The following MYO18B variants were observed in gnomAD, a reference collection of about 807,000 sequenced individuals.
MYO18B encodes the protein unconventional myosin-XVIIIb.
In MYO18B, 204 loss-of-function variants were observed where a neutral mutation model predicts 273.0. The ratio of observed to expected loss-of-function variants is 0.75; its 90% CI spans 0.67 to 0.84. The LOEUF (loss-of-function observed/expected upper bound fraction) is 0.84. Ranked by LOEUF, MYO18B falls within the 40% of genes least tolerant of loss-of-function variation. The probability of loss-of-function intolerance (pLI) is 0.00; values close to 1 mark genes in which losing one functional copy is unlikely to be tolerated. For missense variants in MYO18B, 3,212 were observed against 3,287.6 expected, an observed-to-expected ratio of 0.98 and a Z score of 0.56; for synonymous variants, 1,330 against 1,305.7, an observed-to-expected ratio of 1.02 and a Z score of -0.40.
intron 1 of MYO18B, among the ~76,000 whole-genome samples, chr22:25,759,750 A>C (rs2086242769): frequency 6.6e-6 from 1 of 152,248 alleles, no homozygotes; most frequent in South Asian, 2.1e-4. Context: ...AGATATGGCA[A>C]GTAAAAACAA....
intron 17 of MYO18B, among the ~76,000 whole-genome samples, chr22:25,838,614 A>T (rs1373124972): frequency 1.3e-5 from 2 of 152,180 alleles, no homozygotes; most frequent in Non-Finnish European, 2.9e-5. Flanking sequence ...CCATTGTGTT[A>T]TGGTGGCTTA....
At chr22:25,870,907 A>G (rs568652865) in intron 22 of MYO18B, among the ~76,000 whole-genome samples, 18 of 152,344 alleles carry the variant, frequency 1.2e-4, no homozygotes, top group African/African-American at 4.3e-4. Context: ...CTTGCAGAAG[A>G]AGAAAGAAAA....
intron 1 of MYO18B, among the ~76,000 whole-genome samples, chr22:25,751,945 G>A (rs1042807150): frequency 6.6e-6 from 1 of 152,150 alleles, no homozygotes; most frequent in African/African-American, 2.4e-5. Flanking sequence ...TGTTATGTGG[G>A]TGTCCTCTCA....
At chr22:25,763,961 T>G (rs946794495) in intron 3 of MYO18B, among the ~76,000 whole-genome samples, 2 of 152,216 alleles carry the variant, frequency 1.3e-5, no homozygotes, top group East Asian at 3.8e-4. Flanking sequence ...TGTTAAAATA[T>G]TGAATCCTTC....
At chr22:26,046,124 T>C in the MYO18B span, among the ~76,000 whole-genome samples, 2 of 152,196 alleles carry the variant, frequency 1.3e-5, no homozygotes, top group Non-Finnish European at 2.9e-5. Context: ...TTGTATTGAG[T>C]AGCACAATTG....
At chr22:25,997,240 G>A (rs1390268108) in intron 40 of MYO18B, among the ~76,000 whole-genome samples, 2 of 140,198 alleles carry the variant, frequency 1.4e-5, no homozygotes, top group Non-Finnish European at 3.0e-5. Context: ...GGGAGGCAGA[G>A]GTTGCAGTGA....
chr22:26,061,546 CA>C, the MYO18B span, among the ~76,000 whole-genome samples: 1 of 152,018 alleles, frequency 6.6e-6, no homozygotes, highest in Non-Finnish European at 1.5e-5. Flanking sequence ...TCTCCATCCT[CA>C]AATATCTCTC....
chr22:25,931,681 C>CTTTTTTTTTTTTTTTTTTTT (rs71311530), intron 34 of MYO18B, among the ~76,000 whole-genome samples: 1 of 123,520 alleles, frequency 8.1e-6, no homozygotes, highest in Non-Finnish European at 1.7e-5. Context: ...TTTCTTTTTT[C>CTTTTTTTTTTTTTTTTTTTT]TTTTTTTTTT....
chr22:26,024,879 T>C (rs1238803625), intron 42 of MYO18B, among the ~76,000 whole-genome samples: 1 of 152,190 alleles, frequency 6.6e-6, no homozygotes, highest in Non-Finnish European at 1.5e-5. Context: ...AACAGAAATG[T>C]ATTTCTCATA....
rs568526134 is a variant in MYO18B at position 25,966,561 on chromosome 22, A to G, written c.6156+11197A>G. On this transcript the variant is annotated intron_variant, in intron 39 of 43. Coordinates refer to ENST00000335473, the MANE Select transcript of MYO18B (RefSeq NM_032608.7). The stretch of plus-strand genomic sequence containing the variant: ...TGACAGGGAGATAGCCCTCCTAATT[A>G]CTGCCCCGTTATCTCAGTGGGATCC... Among the ~76,000 whole-genome samples the G allele has an allele frequency of 4.6e-5, 7 of 152,232 alleles. No homozygotes were observed. The South Asian group carries it at 1.5e-3, about 32-fold the overall frequency.
intron 32 of MYO18B, among the ~76,000 whole-genome samples, chr22:25,908,851 A>T (rs1441735685): frequency 1.3e-5 from 2 of 152,222 alleles, no homozygotes; most frequent in Non-Finnish European, 2.9e-5. Context: ...TTGACATGTT[A>T]TCACCTAGAA....
chr22:25,990,250 CCATTGGGGAATGCAGT>C (rs1221638576), intron 39 of MYO18B, among the ~76,000 whole-genome samples: 2 of 152,148 alleles, frequency 1.3e-5, no homozygotes, highest in Admixed American at 1.3e-4. Context: ...TCGCTGACTT[CCATTGGGGAATGCAGT>C]CATAGCCCCA....
Position 25,768,353 on chromosome 22 carries a change from G to C in MYO18B, c.437G>C (p.Arg146Thr). Residue 146 changes from arginine to threonine, a missense_variant, in exon 4 of 44, where the codon AGG becomes ACG. Transcript: ENST00000335473. Reference sequence around the variant, plus strand: ...ACCAAAAAGACTGTCCCCTTCAAGAGGGGCGTGAGGAGGGGTGATGTGTTG... The same window carrying C: ...ACCAAAAAGACTGTCCCCTTCAAGACGGGCGTGAGGAGGGGTGATGTGTTG... ...TPTKKTVPFK[R>T]GVRRGDVLLM... 6.2e-7 allele frequency: 1 copy of C among 1,613,808 alleles called. No individual in the cohort carries two copies. Among genetic ancestry groups the C allele is most frequent in the Non-Finnish European group, 8.5e-7 (1 of 1,179,812 alleles).
chr22:25,782,711 C>A (rs1015108570), intron 10 of MYO18B, among the ~76,000 whole-genome samples: 1 of 152,190 alleles, frequency 6.6e-6, no homozygotes, highest in South Asian at 2.1e-4. Context: ...CTTCCCTCCC[C>A]ATCTGAAGGA....
chr22:25,978,622 A>T (rs1028644723), intron 39 of MYO18B, among the ~76,000 whole-genome samples: 2 of 152,282 alleles, frequency 1.3e-5, no homozygotes, highest in Non-Finnish European at 2.9e-5. Flanking sequence ...ACAGTTGGAG[A>T]GTGGTGTAGA....
the MYO18B span, among the ~76,000 whole-genome samples, chr22:26,049,976 G>C: frequency 6.6e-6 from 1 of 152,182 alleles, no homozygotes; most frequent in African/African-American, 2.4e-5. Flanking sequence ...AAAATTTAAA[G>C]TACAGCTGTC....
At chr22:25,851,610 G>A in intron 21 of MYO18B, 31 bp downstream of exon 21, 3 of 1,436,990 alleles carry the variant, frequency 2.1e-6, no homozygotes, top group Non-Finnish European at 2.9e-6. Context: ...AGGGGTGAAG[G>A]CCCTAGATAT....
At chr22:25,987,044 G>T (rs1569266468) in intron 39 of MYO18B, among the ~76,000 whole-genome samples, 1 of 152,290 alleles carries the variant, frequency 6.6e-6, no homozygotes, top group East Asian at 1.9e-4. Flanking sequence ...GAGATAGTCT[G>T]ATCTATAGTG....
In MYO18B at chr22:25,851,496, C is replaced by A; in HGVS notation, c.3802C>A (p.Arg1268Ser). ...TGYADHMGLT[R>S]FRRQFQVLDA... Reference sequence around the variant, plus strand: ...CTATGCTGACCACATGGGGCTCACTCGCTTCCGCCGGCAATTCCAGGTGCT... The same window carrying A: ...CTATGCTGACCACATGGGGCTCACTAGCTTCCGCCGGCAATTCCAGGTGCT... Residue 1268 changes from arginine to serine, a missense_variant, in exon 21 of 44, where the codon CGC becomes AGC. Transcript: ENST00000335473. 1 of 1,558,220 alleles carries A rather than the reference C, an allele frequency of 6.4e-7. No individual in the cohort carries two copies. Among genetic ancestry groups the A allele is most frequent in the Non-Finnish European group, 8.7e-7 (1 of 1,150,664 alleles).
Sources: gnomAD v4.1 joint callset for allele counts (sites outside exome capture counted in the v4.1 genomes callset) on GRCh38, gnomAD v4.1.1 for gene constraint, MANE v1.5 for transcripts, NCBI Gene and HGNC (gene_info 2026-07-23, HGNC 2026-07-21) for gene names.